Variants in KIF26B observed in about 807,000 individuals in gnomAD.
KIF26B encodes the protein kinesin family member 26B.
KIF26B carries 63 observed loss-of-function variants against 151.2 expected under a neutral mutation model. The observed-to-expected ratio is 0.42, with a 90% CI of 0.34 to 0.51. The LOEUF is 0.51. Ranked by LOEUF, KIF26B falls within the 20% of genes least tolerant of loss-of-function variation. The pLI is 0.07. For synonymous variants in KIF26B, 1,357 were observed against 1,262.1 expected (o/e 1.08, Z -1.59); for missense variants, 2,813 against 2,913.6 (o/e 0.97, Z 0.79).
At position 245,419,595 on chromosome 1, in the gene KIF26B, C is replaced by T. The variant is rs762627266; in HGVS notation, c.1016C>T (p.Thr339Ile). Residue 339 changes from threonine to isoleucine, a missense_variant, in exon 4 of 15, where the codon ACA (threonine) becomes ATA (isoleucine). Physicochemically the swap from Thr to Ile is moderately conservative, Grantham distance 89. Coordinates refer to ENST00000407071, the MANE Select transcript of KIF26B (RefSeq NM_018012.4). ...CTTTGTCAGATCTCCCAGCTGATGA[C>T]AGAGAGTAGCCGGGAGGGACTAACA... The part of the protein sequence containing the change: ...LYPYQISQLM[T>I]ESSREGLTEA... The T allele has an allele frequency of 1.2e-6, 2 of 1,610,700 alleles. No individual in the cohort carries two copies. Among genetic ancestry groups the T allele is most frequent in the East Asian group, 2.2e-5 (1 of 44,628 alleles).
At chr1:245,580,275 G>A (rs2043162420) in intron 5 of KIF26B, among the ~76,000 whole-genome samples, 1 of 152,184 alleles carries the variant, frequency 6.6e-6, no homozygotes, top group African/African-American at 2.4e-5. Context: ...ATCAGAATGA[G>A]ACTCTCTTCT....
intron 2 of KIF26B, among the ~76,000 whole-genome samples, chr1:245,336,943 A>G (rs1030327583): frequency 2.6e-5 from 4 of 152,150 alleles, no homozygotes; most frequent in Admixed American, 2.6e-4. Context: ...CAAGCTGACC[A>G]CTTGGATTCC....
chr1:245,318,936 A>G lies in KIF26B; in HGVS notation c.466-47898A>G, dbSNP rs1671832942. 6.6e-6 allele frequency among the ~76,000 whole-genome samples: 1 copy of G among 152,226 alleles called. No homozygotes were observed. Among genetic ancestry groups the G allele is most frequent in the Non-Finnish European group, 1.5e-5 (1 of 68,036 alleles). ...CTGCATTTTACTCCTATTTAGGAAG[A>G]AGTAAACTTTTGTAAACAGGAAGAA... On this transcript the variant is annotated intron_variant, in intron 2 of 14. Transcript: ENST00000407071. The surrounding 1 kb of genome is among the most constrained non-coding windows in gnomAD (Gnocchi z 4.0).
intron 4 of KIF26B, among the ~76,000 whole-genome samples, chr1:245,499,207 C>T (rs1168118381): frequency 6.6e-6 from 1 of 152,056 alleles, no homozygotes; most frequent in Non-Finnish European, 1.5e-5. Flanking sequence ...AGCGTTGACT[C>T]ATATTAAAAA....
Position 245,501,567 on chromosome 1 carries a change from C to T in KIF26B, c.1167-39200C>T, listed in dbSNP as rs1336215465. On this transcript the variant is annotated intron_variant, in intron 4 of 14. Coordinates refer to ENST00000407071, the MANE Select transcript of KIF26B (RefSeq NM_018012.4). ...GATAATCCTGCTTTAGAAGAGTTAT[C>T]ATGCCTGCAGAGGTATCATAGAGAT... Among the ~76,000 whole-genome samples, 7 of 152,212 alleles carry T rather than the reference C, an allele frequency of 4.6e-5. No homozygotes were observed. The East Asian group carries it at 1.3e-3, about 29-fold the overall frequency.
rs959150779 is a variant in KIF26B at position 245,244,580 on chromosome 1, A to G, written c.465+87897A>G. 6.6e-6 allele frequency among the ~76,000 whole-genome samples: 1 copy of G among 152,110 alleles called. No individual in the cohort carries two copies. Among genetic ancestry groups the G allele is most frequent in the African/African-American group, 2.4e-5 (1 of 41,414 alleles). ...AGAAAATGAGGGGGACATTTACGTC[A>G]TGGAACACAGAGGAAGACTCATGAA... On this transcript the variant is annotated intron_variant, in intron 2 of 14. Transcript: ENST00000407071. The surrounding 1 kb of genome is among the most constrained non-coding windows in gnomAD (Gnocchi z 4.2).
chr1:245,495,771 T>G lies in KIF26B; in HGVS notation c.1167-44996T>G, dbSNP rs187219032. Among the ~76,000 whole-genome samples the G allele has an allele frequency of 1.5e-4, 23 of 152,138 alleles. No homozygotes were observed. The East Asian group carries it at 4.2e-3, about 28-fold the overall frequency. Reference sequence around the variant, plus strand: ...CAGAGAAAACCACAGCTGGGTACAATGTAGTAAAACTGTTGAAAACAAAAG... The same window carrying G: ...CAGAGAAAACCACAGCTGGGTACAAGGTAGTAAAACTGTTGAAAACAAAAG... On this transcript the variant is annotated intron_variant, in intron 4 of 14. Coordinates refer to ENST00000407071, the MANE Select transcript of KIF26B (RefSeq NM_018012.4). The surrounding 1 kb of genome is among the most constrained non-coding windows in gnomAD (Gnocchi z 4.2).
intron 5 of KIF26B, among the ~76,000 whole-genome samples, chr1:245,558,585 T>C (rs945137190): frequency 1.3e-5 from 2 of 151,898 alleles, no homozygotes; most frequent in African/African-American, 4.8e-5. Flanking sequence ...AGTTTGTCCT[T>C]CTTTGAACCA....
intron 10 of KIF26B, among the ~76,000 whole-genome samples, chr1:245,673,358 ATCTTAGGCCCAGTCCCCGCTGCG>A: frequency 9.0e-6 from 1 of 111,274 alleles, no homozygotes; most frequent in Non-Finnish European, 1.8e-5. Flanking sequence ...GCGCGCTGCC[ATCTTAGGCCCAGTCCCCGCTGCG>A]CGCTGCCATC....
intron 2 of KIF26B, among the ~76,000 whole-genome samples, chr1:245,205,334 G>GTATTATCA (rs2103540245): frequency 6.6e-6 from 1 of 152,244 alleles, no homozygotes; most frequent in South Asian, 2.1e-4. Flanking sequence ...GTTCATAGTG[G>GTATTATCA]TATTATCATT....
chr1:245,546,972 G>A (rs1661755417), intron 5 of KIF26B, among the ~76,000 whole-genome samples: 1 of 152,218 alleles, frequency 6.6e-6, no homozygotes, highest in Non-Finnish European at 1.5e-5. Flanking sequence ...AGGCGACTTG[G>A]GGAAAATGTT....
Position 245,156,466 on chromosome 1 carries a change from G to GCTCCCCGGGACCCGC in KIF26B, c.255_269dup (p.Pro87_Gly91dup). ...ACCTCGTCCCCGAGCTCGTTCACCG[G>GCTCCCCGGGACCCGC]CTCCCCGGGACCCGCCTCCCCCGGC... On this transcript the variant is annotated inframe_insertion, in exon 2 of 15. Transcript: ENST00000407071. 1 of 1,524,786 alleles carries GCTCCCCGGGACCCGC rather than the reference G, an allele frequency of 6.6e-7. No homozygotes were observed. The highest frequency in any genetic ancestry group is 8.8e-7 in the Non-Finnish European group (1 of 1,140,036). 94.5% of individuals were successfully genotyped at this position (1,524,786 alleles called of 1,614,324 possible).
At chr1:245,313,233 T>C (rs1412012736) in intron 2 of KIF26B, among the ~76,000 whole-genome samples, 1 of 152,180 alleles carries the variant, frequency 6.6e-6, no homozygotes, top group African/African-American at 2.4e-5. Flanking sequence ...CAGGCTAAGC[T>C]GGGTTAAGTT....
Position 245,688,612 on chromosome 1 carries a change from G to T in KIF26B, c.5629G>T (p.Gly1877Trp), listed in dbSNP as rs780447604. 4 of 1,590,932 alleles carry T rather than the reference G, an allele frequency of 2.5e-6. No individual in the cohort carries two copies. The highest frequency in any genetic ancestry group is 3.4e-6 in the Non-Finnish European group (4 of 1,171,122). ...HGSDNSSVLS[G>W]ELPPAMGKTA... ...CAGCGACAACAGCAGCGTGCTGAGC[G>T]GGGAGCTCCCGCCGGCCATGGGGAA... Residue 1877 changes from glycine to tryptophan, a missense_variant, in exon 12 of 15, where the codon GGG becomes TGG. Around this residue, in one of 3 missense-constraint regions of KIF26B, gnomAD observed 2,060 missense variants for 2,088.6 expected, o/e 0.99. Coordinates refer to ENST00000407071, the MANE Select transcript of KIF26B (RefSeq NM_018012.4).
intron 4 of KIF26B, among the ~76,000 whole-genome samples, chr1:245,437,279 C>T (rs1318264734): frequency 6.6e-6 from 1 of 152,174 alleles, no homozygotes; most frequent in African/African-American, 2.4e-5. Context: ...CTGCCGAGCT[C>T]CCGTGTTCCA....
At chr1:245,545,120 G>A (rs941305636) in intron 5 of KIF26B, among the ~76,000 whole-genome samples, 1 of 100,736 alleles carries the variant, frequency 9.9e-6, no homozygotes. Flanking sequence ...TTTTTTTTTT[G>A]AGACAGAGTC....
chr1:245,242,593 C>G (rs1384525881), intron 2 of KIF26B, among the ~76,000 whole-genome samples: 1 of 152,180 alleles, frequency 6.6e-6, no homozygotes, highest in Non-Finnish European at 1.5e-5. Flanking sequence ...TTCAAGTTGA[C>G]ACATGTATAG....
intron 5 of KIF26B, among the ~76,000 whole-genome samples, chr1:245,565,705 G>A (rs2043003323): frequency 3.3e-5 from 5 of 152,166 alleles, no homozygotes; most frequent in African/African-American, 1.2e-4. Flanking sequence ...TGAAATATAC[G>A]CACATGGGAC....
intron 2 of KIF26B, among the ~76,000 whole-genome samples, chr1:245,270,169 C>T (rs77689827): frequency 0.063 from 5,455 of 86,150 alleles, 202 homozygotes; most frequent in Middle Eastern, 0.099. Flanking sequence ...TCTCTTCCCT[C>T]CCTTCTTCCC....
Sources: allele counts gnomAD v4.1 joint callset (sites outside exome capture counted in the v4.1 genomes callset), GRCh38; gene constraint gnomAD v4.1.1; regional missense constraint gnomAD v4.1.1; non-coding constraint Gnocchi (gnomAD v3.1); transcripts MANE v1.5; gene names NCBI Gene and HGNC (gene_info 2026-07-23, HGNC 2026-07-21).